CROCC: variants seen among roughly 807,000 people sequenced by gnomAD.
CROCC encodes the protein ciliary rootlet coiled-coil, rootletin, also known as rootletin.
Under a neutral mutation model 245.2 loss-of-function variants are expected in CROCC, and 180 were observed. The ratio of observed to expected loss-of-function variants is 0.73; its 90% CI spans 0.65 to 0.83. The LOEUF is 0.83. CROCC is among the 40% of genes least tolerant of loss of function. The probability of loss-of-function intolerance (pLI) is 0.00; values close to 1 mark genes in which losing one functional copy is unlikely to be tolerated. For missense variants in CROCC, 2,688 were observed against 2,779.4 expected (o/e 0.97, Z 0.74); for synonymous variants, 1,205 against 1,241.6 (o/e 0.97, Z 0.62).
intron 19 of CROCC, among the ~76,000 whole-genome samples, chr1:16,949,804 T>C (rs186669878): frequency 3.6e-4 from 55 of 152,376 alleles, no homozygotes; most frequent in African/African-American, 1.3e-3. Flanking sequence ...AGTTTCACTC[T>C]TGTTGCCCAG....
chr1:16,916,737 G>T lies in CROCC; in HGVS notation n.126-13549G>T, dbSNP rs184388529. On this transcript the variant is annotated intron_variant and non_coding_transcript_variant, in intron 1 of 8. Transcript: ENST00000466256. ...TGTGTTGCCAGGGCTGGTCTCAAAC[G>T]CCTGGGCTCAGGCAGTCCTCCTACC... Among the ~76,000 whole-genome samples, 909 of 152,370 alleles carry T rather than the reference G, an allele frequency of 6.0e-3. 42 individuals are homozygous for T. Among genetic ancestry groups the T allele is most frequent in the Admixed American group, 0.056 (860 of 15,272 alleles).
At chr1:16,939,245 C>T (rs1339175678) in intron 12 of CROCC, 103 bp downstream of exon 12, 34 of 1,070,064 alleles carry the variant, frequency 3.2e-5, no homozygotes, top group Non-Finnish European at 3.8e-5. Flanking sequence ...GGGCCAGGGT[C>T]CGAGGGAGGA....
In CROCC at chr1:16,965,708, T is replaced by C. The variant is rs747314332; in HGVS notation, c.4406-15T>C. 6.3e-6 allele frequency: 10 copies of C among 1,582,748 alleles called. No individual in the cohort carries two copies. The highest frequency in any genetic ancestry group is 7.8e-6 in the Non-Finnish European group (9 of 1,153,390). ...TGGCTTCTGCATCACTGAGCAAGTC[T>C]TCTTTCTCTTCTAGGAAGCGGGGAA... On this transcript the variant is annotated splice_polypyrimidine_tract_variant and intron_variant, in intron 27 of 36. Transcript: ENST00000375541.
chr1:16,958,651 G>A lies in CROCC; in HGVS notation c.3933G>A (p.Ala1311=), dbSNP rs1197766894. 34 of 1,555,558 alleles carry A rather than the reference G, an allele frequency of 2.2e-5. No individual in the cohort carries two copies. Among genetic ancestry groups the A allele is most frequent in the African/African-American group, 4.1e-5 (3 of 73,538 alleles). Residue 1311 remains alanine (A), a synonymous_variant, in exon 26 of 37, where the codon GCG becomes GCA. Transcript: ENST00000375541. ...RELAELQGRL[A]LGERAEKESR... ...TGGCGGAGCTGCAGGGCCGCCTGGC[G>A]CTGGGCGAGCGGGCAGAGAAGGAGA...
intron 33 of CROCC, 34 bp from the exon 34 acceptor site, chr1:16,970,219 G>T (rs1377366677): frequency 1.3e-6 from 2 of 1,518,682 alleles, no homozygotes; most frequent in African/African-American, 2.8e-5. Context: ...CTCAGGCCCA[G>T]AGGGATTCGG....
rs187126457 is a variant in CROCC, at chr1:16,967,739, G to T, written c.4861-464G>T. 3.8e-3 allele frequency among the ~76,000 whole-genome samples: 583 copies of T among 152,264 alleles called. 3 individuals are homozygous for T. The highest frequency in any genetic ancestry group is 0.014 in the Middle Eastern group (4 of 294). On this transcript the variant is annotated intron_variant, in intron 30 of 36. Coordinates refer to ENST00000375541, the MANE Select transcript of CROCC (RefSeq NM_014675.5). Reference sequence around the variant, plus strand: ...TGGCTGACCCTGGGCAGGGGAGGGGGAATCACCACCTGAAACCCTAGAACA... The same window carrying T: ...TGGCTGACCCTGGGCAGGGGAGGGGTAATCACCACCTGAAACCCTAGAACA...
rs1358038865 is a variant in CROCC at position 16,930,752 on chromosome 1, G to A, written c.849+158G>A. On this transcript the variant is annotated intron_variant, in intron 7 of 36. Transcript: ENST00000375541. ...TCATCACAATAGCTGGTCTTTATCAGTGTGTAGCATGTACCACGTGCACGG... is the reference window on the plus strand; with the variant it reads ...TCATCACAATAGCTGGTCTTTATCAATGTGTAGCATGTACCACGTGCACGG... Among the ~76,000 whole-genome samples the A allele has an allele frequency of 5.2e-5, 8 of 152,402 alleles. No homozygotes were observed. The East Asian group carries it at 1.3e-3, about 26-fold the overall frequency.
At chr1:16,915,242 T>A (rs906772702) in intron 1 of CROCC, among the ~76,000 whole-genome samples, 1 of 152,294 alleles carries the variant, frequency 6.6e-6, no homozygotes, top group Non-Finnish European at 1.5e-5. Context: ...TGGCCCAACA[T>A]GACCCCAGCC....
In CROCC at chr1:16,940,069, G is replaced by T; in HGVS notation, c.1784G>T (p.Arg595Leu). The T allele has an allele frequency of 6.2e-7, 1 of 1,607,570 alleles. No individual in the cohort carries two copies. The highest frequency in any genetic ancestry group is 8.5e-7 in the Non-Finnish European group (1 of 1,178,318). ...GCCCAGCGCGAGGTGCAGCGGCTGC[G>T]GAGCGCCAACGAGCTCCTGAGCAGG... ...EDAQREVQRL[R>L]SANELLSREK... The change falls in exon 13 of 37, where the codon CGG (arginine) becomes CTG (leucine). Residue 595 changes from arginine (R) to leucine (L), a missense_variant. Transcript: ENST00000375541.
In CROCC at chr1:16,936,885, G is replaced by A; in HGVS notation, c.1193+12G>A. 2 of 1,604,640 alleles carry A rather than the reference G, an allele frequency of 1.2e-6. No homozygotes were observed. Among genetic ancestry groups the A allele is most frequent in the Non-Finnish European group, 8.5e-7 (1 of 1,174,182 alleles). Reference sequence around the variant, plus strand: ...GACCTCAGTGCCAGGTGGGTACCTGGTGGATGCCGCACGAGGCAGGCGTCC... The same window carrying A: ...GACCTCAGTGCCAGGTGGGTACCTGATGGATGCCGCACGAGGCAGGCGTCC... On this transcript the variant is annotated intron_variant, in intron 9 of 36. Transcript: ENST00000375541.
At chr1:16,962,984 C>A (rs2076358494) in intron 27 of CROCC, among the ~76,000 whole-genome samples, 1 of 151,556 alleles carries the variant, frequency 6.6e-6, no homozygotes, top group African/African-American at 2.4e-5. Context: ...GAGTTCAAGA[C>A]CAGCCTAGCC....
rs1169705297 is a variant in CROCC, at chr1:16,970,291, G to T, written c.5490G>T (p.Leu1830=). 1 of 1,580,524 alleles carries T rather than the reference G, an allele frequency of 6.3e-7. No individual in the cohort carries two copies. Among genetic ancestry groups the T allele is most frequent in the South Asian group, 1.2e-5 (1 of 86,752 alleles). ...GGCAGGAGGGTGAGGCTGCAGCCCT[G>T]AACACCGTCCAGAAGCTGCAAGACG... is the stretch of plus-strand genomic sequence containing the variant. The part of the protein sequence containing the change: ...RQRQEGEAAA[L]NTVQKLQDER... Residue 1830 remains leucine, a synonymous_variant, in exon 34 of 37, where the codon CTG becomes CTT. Transcript: ENST00000375541.
intron 20 of CROCC, among the ~76,000 whole-genome samples, chr1:16,951,710 C>T (rs1170059078): frequency 2.4e-4 from 37 of 152,220 alleles, no homozygotes; most frequent in Non-Finnish European, 4.8e-4. Context: ...CTGACATGCT[C>T]TCCAGAGTGG....
chr1:16,936,603 C>A, intron 8 of CROCC, 34 bp from the exon 9 acceptor site: 1 of 1,531,380 alleles, frequency 6.5e-7, no homozygotes, highest in South Asian at 1.3e-5. Context: ...GGGAGCAAGC[C>A]CCATCCATCC....
At chr1:16,964,915 A>G (rs181708161) in intron 27 of CROCC, among the ~76,000 whole-genome samples, 87 of 152,266 alleles carry the variant, frequency 5.7e-4, no homozygotes, top group African/African-American at 2.0e-3. Context: ...TCCTGACCTC[A>G]GGTGATCCAC....
At chr1:16,943,747 G>T (rs1258273400) in intron 13 of CROCC, among the ~76,000 whole-genome samples, 2 of 152,266 alleles carry the variant, frequency 1.3e-5, no homozygotes, top group Non-Finnish European at 2.9e-5. Context: ...GGGGCATGGG[G>T]TGTTATAGGG....
At chr1:16,914,230 T>C (rs2075280680) in intron 1 of CROCC, among the ~76,000 whole-genome samples, 1 of 152,042 alleles carries the variant, frequency 6.6e-6, no homozygotes, top group Non-Finnish European at 1.5e-5. Context: ...TGGAGCCACG[T>C]ACCGGGGCTG....
intron 8 of CROCC, among the ~76,000 whole-genome samples, chr1:16,935,851 T>C (rs1214612469): frequency 3.3e-5 from 5 of 152,276 alleles, no homozygotes; most frequent in African/African-American, 9.6e-5. Flanking sequence ...AATGCTGCAG[T>C]GAACCTCCTT....
At chr1:16,964,394 C>A (rs2076386579) in intron 27 of CROCC, among the ~76,000 whole-genome samples, 1 of 140,982 alleles carries the variant, frequency 7.1e-6, no homozygotes, top group African/African-American at 2.6e-5. Flanking sequence ...CTTCTTTCTT[C>A]TTTTTTTTGA....
Sources: allele counts gnomAD v4.1 joint callset (sites outside exome capture counted in the v4.1 genomes callset), GRCh38; gene constraint gnomAD v4.1.1; transcripts MANE v1.5; gene names NCBI Gene and HGNC (gene_info 2026-07-23, HGNC 2026-07-21).